SLC44A5: variants seen among roughly 807,000 people sequenced by gnomAD.
The protein encoded by SLC44A5 is solute carrier family 44 member 5.
Under a neutral mutation model 101.8 loss-of-function variants are expected in SLC44A5, and 57 were observed. The ratio of observed to expected loss-of-function variants is 0.56; its 90% CI spans 0.45 to 0.70. The LOEUF is 0.70. SLC44A5 is among the 30% of genes least tolerant of loss of function. The probability of loss-of-function intolerance (pLI) is 0.00; values close to 1 mark genes in which losing one functional copy is unlikely to be tolerated. For missense variants in SLC44A5, 737 were observed against 853.1 expected (o/e 0.86, Z 1.70); for synonymous variants, 281 against 290.9 (o/e 0.97, Z 0.35).
rs1443152390 is a variant in SLC44A5, at chr1:75,388,003, T to C, written c.52+8580A>G. 4.6e-3 allele frequency among the ~76,000 whole-genome samples: 667 copies of C among 144,206 alleles called. 12 individuals are homozygous for C. Among genetic ancestry groups the C allele is most frequent in the African/African-American group, 0.016 (632 of 38,540 alleles). 94.6% of individuals were successfully genotyped at this position (144,206 alleles called of 152,430 possible). A position where few individuals can be genotyped will look rare whatever the true frequency, so the allele number is the denominator to read the frequency against. On this transcript the variant is annotated intron_variant, in intron 3 of 23. Transcript: ENST00000370859. The stretch of plus-strand genomic sequence containing the variant: ...ACATATTCTCACTCATAGGTGGGAA[T>C]TGAACAATGAGATCACCTGGACACA...
chr1:75,293,526 C>T (rs901952574), intron 5 of SLC44A5, among the ~76,000 whole-genome samples: 4 of 152,212 alleles, frequency 2.6e-5, no homozygotes, highest in East Asian at 1.9e-4. Context: ...AGGAACAGGC[C>T]GGCCAAATTG....
chr1:75,722,430 C>T, the SLC44A5 span, among the ~76,000 whole-genome samples: 1 of 152,184 alleles, frequency 6.6e-6, no homozygotes, highest in Admixed American at 6.5e-5. Context: ...GAGTAAGCAG[C>T]AAACTGTTTC....
At chr1:75,723,507 C>G in the SLC44A5 span, among the ~76,000 whole-genome samples, 2 of 152,018 alleles carry the variant, frequency 1.3e-5, no homozygotes, top group Non-Finnish European at 2.9e-5. Context: ...CTGCCAGCCA[C>G]GTGTACAGTA....
chr1:75,230,601 T>A (rs1647464531), intron 12 of SLC44A5, among the ~76,000 whole-genome samples: 1 of 151,880 alleles, frequency 6.6e-6, no homozygotes, highest in Admixed American at 6.6e-5. Flanking sequence ...TTTCATGTTC[T>A]ATATCTTTCT....
At chr1:75,246,248 A>G (rs538202580) in intron 7 of SLC44A5, among the ~76,000 whole-genome samples, 1 of 152,232 alleles carries the variant, frequency 6.6e-6, no homozygotes, top group East Asian at 1.9e-4. Flanking sequence ...CACATTTGTT[A>G]TGAAGAAAAG....
At chr1:75,695,012 C>G in the SLC44A5 span, among the ~76,000 whole-genome samples, 1 of 152,074 alleles carries the variant, frequency 6.6e-6, no homozygotes, top group Non-Finnish European at 1.5e-5. Flanking sequence ...AATTGTTAAC[C>G]AGTTTCTAGA....
chr1:75,575,722 C>T (rs1393752924), intron 1 of SLC44A5, among the ~76,000 whole-genome samples: 1 of 152,072 alleles, frequency 6.6e-6, no homozygotes, highest in African/African-American at 2.4e-5. Flanking sequence ...CACAATGCAA[C>T]CCAAAAAATC....
At chr1:75,443,798 C>G (rs1292272409) in intron 2 of SLC44A5, among the ~76,000 whole-genome samples, 1 of 151,240 alleles carries the variant, frequency 6.6e-6, no homozygotes, top group Non-Finnish European at 1.5e-5. Flanking sequence ...CAATCATAAA[C>G]ATAGATACAA....
chr1:75,431,323 G>A (rs547633480), intron 2 of SLC44A5, among the ~76,000 whole-genome samples: 19 of 152,036 alleles, frequency 1.2e-4, no homozygotes, highest in Admixed American at 2.6e-4. Context: ...TCCCCTCCCC[G>A]CAAGCTATCA....
intron 1 of SLC44A5, among the ~76,000 whole-genome samples, chr1:75,560,199 G>T (rs182412): frequency 0.95 from 144,774 of 152,250 alleles, 68,870 homozygotes; most frequent in East Asian, 0.98. Context: ...CAAGAGAAAT[G>T]AAAATATATA....
intron 2 of SLC44A5, among the ~76,000 whole-genome samples, chr1:75,531,864 T>C (rs1570543130): frequency 6.6e-6 from 1 of 151,982 alleles, no homozygotes; most frequent in South Asian, 2.1e-4. Context: ...TCTGTCCCTA[T>C]ATACTCAAGA....
intron 7 of SLC44A5, among the ~76,000 whole-genome samples, chr1:75,244,295 T>C (rs1648916680): frequency 1.3e-5 from 2 of 152,110 alleles, no homozygotes; most frequent in Non-Finnish European, 2.9e-5. Context: ...AGACATGTGG[T>C]TGTGTGATCA....
intron 3 of SLC44A5, among the ~76,000 whole-genome samples, chr1:75,366,277 T>C (rs1007351114): frequency 1.3e-5 from 2 of 152,210 alleles, no homozygotes; most frequent in Admixed American, 1.3e-4. Flanking sequence ...TCTCTCCCTT[T>C]CTGAAGGAAA....
At chr1:75,240,603 G>A (rs1355235483) in intron 9 of SLC44A5, among the ~76,000 whole-genome samples, 1 of 151,990 alleles carries the variant, frequency 6.6e-6, no homozygotes, top group Admixed American at 6.6e-5. Flanking sequence ...TTGTTGCTGA[G>A]AGCTTCCTGG....
intron 4 of SLC44A5, among the ~76,000 whole-genome samples, chr1:75,333,015 G>A (rs1207589128): frequency 6.6e-6 from 1 of 151,924 alleles, no homozygotes; most frequent in East Asian, 1.9e-4. Flanking sequence ...CGAAGGTGGG[G>A]CTCATTATCA....
chr1:75,591,880 T>C (rs1674375588), intron 1 of SLC44A5, among the ~76,000 whole-genome samples: 1 of 151,158 alleles, frequency 6.6e-6, no homozygotes, highest in African/African-American at 2.4e-5. Context: ...GGAACACAAC[T>C]CAACAGAATA....
chr1:75,204,643 T>C (rs1570344413), intron 23 of SLC44A5: 1 of 151,244 alleles, frequency 6.6e-6, no homozygotes, highest in African/African-American at 2.4e-5. Flanking sequence ...ACCACCACAC[T>C]TGGCTAACTT....
chr1:75,534,332 A>C (rs116581832), intron 2 of SLC44A5, among the ~76,000 whole-genome samples: 23 of 152,292 alleles, frequency 1.5e-4, no homozygotes, highest in African/African-American at 5.3e-4. Flanking sequence ...ACATGGTCAT[A>C]CATGGTGACA....
intron 2 of SLC44A5, among the ~76,000 whole-genome samples, chr1:75,432,339 C>A (rs575560255): frequency 6.4e-4 from 98 of 152,256 alleles, no homozygotes; most frequent in Middle Eastern, 3.4e-3. Flanking sequence ...ACATTTTCTG[C>A]AACTCACACA....
Sources: gnomAD v4.1 joint callset for allele counts (sites outside exome capture counted in the v4.1 genomes callset) on GRCh38, gnomAD v4.1.1 for gene constraint, MANE v1.5 for transcripts, NCBI Gene and HGNC (gene_info 2026-07-23, HGNC 2026-07-21) for gene names.